OPRM1: variants seen among roughly 807,000 people sequenced by gnomAD.
OPRM1 encodes opioid receptor mu 1, also known as mu-type opioid receptor.
OPRM1 carries 27 observed loss-of-function variants against 31.8 expected under a neutral mutation model. The ratio of observed to expected loss-of-function variants is 0.85; its 90% CI spans 0.63 to 1.17. The LOEUF is 1.17. Among genes scored for constraint, OPRM1 ranks in the 50% most tolerant of loss-of-function variants. OPRM1 has a pLI of 0.00. For missense variants in OPRM1, 536 were observed against 511.1 expected (o/e 1.05, Z -0.47); for synonymous variants, 196 against 189.9 (o/e 1.03, Z -0.26).
At chr6:154,110,572 G>A (rs906151003) in intron 3 of OPRM1, 7 of 586,086 alleles carry the variant, frequency 1.2e-5, no homozygotes, top group Admixed American at 3.1e-5. Context: ...AGGAGTTTCC[G>A]AGCTCTTTTG....
chr6:154,058,017 G>A (rs3823010), intron 1 of OPRM1, among the ~76,000 whole-genome samples: 21,395 of 152,190 alleles, frequency 0.14, 1,608 homozygotes, highest in Non-Finnish European at 0.17. Flanking sequence ...ATAAACAAAT[G>A]CATCACATTT....
At chr6:154,047,862 T>C (rs1222510604) in intron 1 of OPRM1, among the ~76,000 whole-genome samples, 1 of 152,200 alleles carries the variant, frequency 6.6e-6, no homozygotes, top group Admixed American at 6.5e-5. Flanking sequence ...CTTACAGTGC[T>C]GGAGGCTTGA....
chr6:154,042,570 T>C (rs1251638968), intron 1 of OPRM1, among the ~76,000 whole-genome samples: 1 of 152,188 alleles, frequency 6.6e-6, no homozygotes, highest in Non-Finnish European at 1.5e-5. Flanking sequence ...ACTGCTAACA[T>C]GGACGCTGTG....
intron 3 of OPRM1, among the ~76,000 whole-genome samples, chr6:154,185,827 T>C (rs72999470): frequency 0.014 from 2,062 of 152,360 alleles, 27 homozygotes; most frequent in Non-Finnish European, 0.021. Context: ...AGTTGATGAA[T>C]TTGTGTTGGG....
chr6:154,038,984 G>T, upstream of OPRM1: 2 of 665,154 alleles, frequency 3.0e-6, no homozygotes, highest in South Asian at 2.4e-5. Flanking sequence ...GGATGGAAGA[G>T]CATTGGGGTT....
intron 3 of OPRM1, among the ~76,000 whole-genome samples, chr6:154,106,211 A>C (rs1795551936): frequency 1.3e-5 from 2 of 152,238 alleles, no homozygotes; most frequent in African/African-American, 4.8e-5. Context: ...TTCACCAAAA[A>C]CACATTTTAC....
downstream of OPRM1, among the ~76,000 whole-genome samples, chr6:154,133,372 A>G (rs984711255): frequency 6.6e-6 from 1 of 152,144 alleles, no homozygotes; most frequent in Non-Finnish European, 1.5e-5. Flanking sequence ...ATCCCTTCCC[A>G]TGGTATTCAA....
At chr6:154,092,111 C>A (rs1178865233) in intron 3 of OPRM1, among the ~76,000 whole-genome samples, 1 of 151,986 alleles carries the variant, frequency 6.6e-6, no homozygotes, top group Non-Finnish European at 1.5e-5. Flanking sequence ...TTAGATTAAA[C>A]AATTTTTAAC....
intron 1 of OPRM1, among the ~76,000 whole-genome samples, chr6:154,024,648 GT>G (rs60673575): frequency 0.027 from 3,764 of 138,162 alleles, 152 homozygotes; most frequent in African/African-American, 0.092. Flanking sequence ...CTTATTTGAA[GT>G]TTTTTTTTTT....
At chr6:154,238,358 C>A (rs968692955) in intron 3 of OPRM1, among the ~76,000 whole-genome samples, 1 of 152,048 alleles carries the variant, frequency 6.6e-6, no homozygotes, top group Admixed American at 6.6e-5. Context: ...CAGGTTCAAG[C>A]GATTCTCCTG....
intron 3 of OPRM1, among the ~76,000 whole-genome samples, chr6:154,099,470 A>G (rs868606995): frequency 5.2e-5 from 7 of 134,730 alleles, no homozygotes; most frequent in African/African-American, 1.6e-4. Flanking sequence ...GAAAGAAAGA[A>G]AAAGAAAGAA....
intron 3 of OPRM1, among the ~76,000 whole-genome samples, chr6:154,244,291 T>TGTGGGGGG (rs1780841200): frequency 1.0e-5 from 1 of 98,280 alleles, no homozygotes; most frequent in African/African-American, 4.7e-5. Context: ...ATTCGGTGTG[T>TGTGGGGGG]GTGTGGGTGG....
upstream of OPRM1, among the ~76,000 whole-genome samples, chr6:154,036,514 AC>A (rs1041113990): frequency 1.3e-5 from 2 of 152,002 alleles, no homozygotes; most frequent in African/African-American, 4.8e-5. Context: ...GAATAAAAAA[AC>A]AACTGTTTCT....
At chr6:154,153,641 C>T (rs536040173) in intron 3 of OPRM1, among the ~76,000 whole-genome samples, 1 of 150,746 alleles carries the variant, frequency 6.6e-6, no homozygotes, top group South Asian at 2.1e-4. Context: ...GCCAAGATCA[C>T]GCCACTGCAC....
chr6:154,041,893 C>T (rs772423177), intron 1 of OPRM1, among the ~76,000 whole-genome samples: 1 of 152,072 alleles, frequency 6.6e-6, no homozygotes, highest in Non-Finnish European at 1.5e-5. Flanking sequence ...TTATGCTTTG[C>T]AATACAGAGA....
intron 3 of OPRM1, chr6:154,221,439 T>A: frequency 1.2e-6 from 1 of 809,758 alleles, no homozygotes; most frequent in Admixed American, 2.7e-5. Context: ...GCTTTCTTTG[T>A]AAATTTACAA....
At chr6:154,228,718 C>T (rs1779467047) in intron 3 of OPRM1, among the ~76,000 whole-genome samples, 2 of 152,158 alleles carry the variant, frequency 1.3e-5, no homozygotes, top group African/African-American at 4.8e-5. Flanking sequence ...GAGTATTTGT[C>T]TCCTTTAAAC....
rs769100923 is a variant in OPRM1, at chr6:154,119,639, A to G, written c.*918A>G. On this transcript the variant is annotated 3_prime_UTR_variant, in exon 4 of 4. Coordinates refer to ENST00000330432, the MANE Select transcript of OPRM1 (RefSeq NM_000914.5). ...ATTTTCTTTTTTTAACTCAGCTCAG[A>G]ATCCTTATGCCTTTTGAATCAGTGT... Among the ~76,000 whole-genome samples, 2 of 152,194 alleles carry G rather than the reference A, an allele frequency of 1.3e-5. No homozygotes were observed. Among genetic ancestry groups the G allele is most frequent in the Non-Finnish European group, 2.9e-5 (2 of 68,028 alleles).
chr6:154,103,869 T>C (rs1404419008), intron 3 of OPRM1, among the ~76,000 whole-genome samples: 1 of 152,186 alleles, frequency 6.6e-6, no homozygotes, highest in African/African-American at 2.4e-5. Context: ...TGCAACGTGT[T>C]TTATCAGCAA....
Sources: allele counts gnomAD v4.1 joint callset (sites outside exome capture counted in the v4.1 genomes callset), GRCh38; gene constraint gnomAD v4.1.1; transcripts MANE v1.5; gene names NCBI Gene and HGNC (gene_info 2026-07-23, HGNC 2026-07-21).